The following COL6A1 variants were observed in gnomAD, a reference collection of about 807,000 sequenced individuals.
COL6A1 encodes collagen type VI alpha 1 chain.
A neutral mutation model predicts 145.6 loss-of-function variants in COL6A1; 80 were observed. The observed-to-expected ratio is 0.55, with a 90% CI of 0.46 to 0.66. The LOEUF (loss-of-function observed/expected upper bound fraction) is 0.66, where lower values mean the gene tolerates loss of function less well. Ranked by LOEUF, COL6A1 falls within the 30% of genes least tolerant of loss-of-function variation. The probability of loss-of-function intolerance (pLI) is 0.00; values close to 1 mark genes in which losing one functional copy is unlikely to be tolerated. For synonymous variants in COL6A1, 638 were observed against 622.8 expected (o/e 1.02, Z -0.36); for missense variants, 1,364 against 1,473.8 (o/e 0.93, Z 1.22).
chr21:46,002,982 A>G, intron 33 of COL6A1, 138 bp from the exon 34 acceptor site: 2 of 1,310,422 alleles, frequency 1.5e-6, no homozygotes, highest in Non-Finnish European at 2.2e-6. Context: ...GCTGTCCCAC[A>G]GGCATCCTCC....
chr21:46,002,768 C>G, intron 33 of COL6A1, 58 bp downstream of exon 33: 1 of 1,515,086 alleles, frequency 6.6e-7, no homozygotes, highest in Non-Finnish European at 9.0e-7. Context: ...CGGGGCCGCC[C>G]GGGCAGTCCC....
intron 3 of COL6A1, among the ~76,000 whole-genome samples, chr21:45,986,243 G>T (rs1004103779): frequency 6.6e-6 from 1 of 152,222 alleles, no homozygotes; most frequent in Non-Finnish European, 1.5e-5. Context: ...CTGGTCAGGG[G>T]CTTTGCGCCC....
chr21:45,994,351 G>A lies in COL6A1; in HGVS notation c.1398+122G>A. 1 of 983,456 alleles carries A rather than the reference G, an allele frequency of 1.0e-6. No individual in the cohort carries two copies. The highest frequency in any genetic ancestry group is 1.6e-6 in the Non-Finnish European group (1 of 639,834). The allele number at this position is 983,456 out of a possible 1,614,324, so 60.9% of individuals were successfully genotyped here. Reference sequence around the variant, plus strand: ...GTTTGAGGGCCTCTGTGTTTCCGTAGATCTCGGGGGTGTCCCTGCGTGGGA... The same window carrying A: ...GTTTGAGGGCCTCTGTGTTTCCGTAAATCTCGGGGGTGTCCCTGCGTGGGA... On this transcript the variant is annotated intron_variant, in intron 20 of 34. Coordinates refer to ENST00000361866, the MANE Select transcript of COL6A1 (RefSeq NM_001848.3). This position sits in a 1 kb window ranked among gnomAD's most constrained non-coding sequence, Gnocchi z 6.8.
chr21:46,000,934 G>A (rs1267503594), intron 29 of COL6A1, 167 bp downstream of exon 29: 12 of 918,034 alleles, frequency 1.3e-5, no homozygotes, highest in African/African-American at 3.3e-5. Context: ...CAGGGTTCCC[G>A]GGTGTTGGGC....
At position 46,001,375 on chromosome 21, in the gene COL6A1, G is replaced by T; in HGVS notation, c.1945G>T (p.Glu649Ter). The T allele has an allele frequency of 6.2e-7, 1 of 1,611,572 alleles. No individual in the cohort carries two copies. The highest frequency in any genetic ancestry group is 8.5e-7 in the Non-Finnish European group (1 of 1,179,858). ...GGTCATCGACCGGCTGAGCCGGGAC[G>T]AGCTGGTCAAGGTGAGGCCTCGCCC... ...VKVIDRLSRD[E>*]LVKFEPGQSY... The change falls in exon 30 of 35, where the codon GAG becomes TAG. Residue 649 changes from glutamate to a stop codon, truncating the protein, a stop_gained. Transcript: ENST00000361866. LOFTEE classifies it high-confidence loss of function.
chr21:45,986,761 C>A, intron 4 of COL6A1, 76 bp downstream of exon 4: 1 of 1,524,462 alleles, frequency 6.6e-7, no homozygotes, highest in South Asian at 1.2e-5. Context: ...CAGCTGGGAC[C>A]GTCTTTTGGT....
At chr21:45,987,105 G>C (rs373394656) in intron 5 of COL6A1, 33 bp downstream of exon 5, 1 of 1,570,208 alleles carries the variant, frequency 6.4e-7, no homozygotes, top group East Asian at 2.3e-5. Context: ...GGGGAGGCCC[G>C]CGGCGGCCGC....
intron 29 of COL6A1, 32 bp from the exon 30 acceptor site, chr21:46,001,221 G>C: frequency 6.3e-7 from 1 of 1,595,262 alleles, no homozygotes; most frequent in Non-Finnish European, 8.5e-7. Flanking sequence ...GAGGGGAGGG[G>C]CGTGCTCTGC....
chr21:45,983,638 C>G (rs1451365329), intron 2 of COL6A1, among the ~76,000 whole-genome samples: 3 of 147,082 alleles, frequency 2.0e-5, no homozygotes, highest in African/African-American at 8.0e-5. Flanking sequence ...TGGACATGGC[C>G]AGGCCCGTGC....
At chr21:45,982,368 G>C (rs1207974516) in intron 1 of COL6A1, among the ~76,000 whole-genome samples, 2 of 151,408 alleles carry the variant, frequency 1.3e-5, no homozygotes, top group Non-Finnish European at 1.5e-5. Flanking sequence ...CACTTGTCCG[G>C]TCCCGTGCCG....
intron 2 of COL6A1, among the ~76,000 whole-genome samples, chr21:45,983,512 G>A (rs554847834): frequency 1.3e-5 from 2 of 152,256 alleles, no homozygotes; most frequent in East Asian, 1.9e-4. Context: ...CCGCTGGGCC[G>A]GAGCCTCCCG....
chr21:46,001,395 T>A lies in COL6A1; in HGVS notation c.1956+9T>A. 1 of 1,609,948 alleles carries A rather than the reference T, an allele frequency of 6.2e-7. No homozygotes were observed. On this transcript the variant is annotated intron_variant, in intron 30 of 34. Coordinates refer to ENST00000361866, the MANE Select transcript of COL6A1 (RefSeq NM_001848.3). ...GGGACGAGCTGGTCAAGGTGAGGCC[T>A]CGCCCCGCCCGGCTTTCTCAAGCCC...
At chr21:45,996,218 C>G (rs1176087815) in intron 20 of COL6A1, among the ~76,000 whole-genome samples, 1 of 152,246 alleles carries the variant, frequency 6.6e-6, no homozygotes, top group Non-Finnish European at 1.5e-5. Context: ...CCTCCTGGCC[C>G]CCTTTTCGTG....
At position 45,986,598 on chromosome 21, in the gene COL6A1, A is replaced by C. The variant is rs200132623; in HGVS notation, c.501A>C (p.Glu167Asp). ...GGCACCCCCTGGAGGGCTACAAGGAACCCTGTGGGGGGCTGGAGGATGCTG... is the reference window on the plus strand; with the variant it reads ...GGCACCCCCTGGAGGGCTACAAGGACCCCTGTGGGGGGCTGGAGGATGCTG... ...TDGHPLEGYKEPCGGLEDAVN... is the reference protein window; with the variant it reads ...TDGHPLEGYKDPCGGLEDAVN... Residue 167 changes from glutamate to aspartate, a missense_variant, in exon 4 of 35, where the codon GAA becomes GAC. Physicochemically the swap from Glu to Asp is conservative, Grantham distance 45. Coordinates refer to ENST00000361866, the MANE Select transcript of COL6A1 (RefSeq NM_001848.3). The C allele has an allele frequency of 1.3e-5, 20 of 1,560,440 alleles. No individual in the cohort carries two copies. The East Asian group carries it at 4.6e-4, about 36-fold the overall frequency.
At chr21:46,003,316 A>C in intron 34 of COL6A1, 75 bp from the exon 35 acceptor site, 4 of 1,602,568 alleles carry the variant, frequency 2.5e-6, no homozygotes, top group Non-Finnish European at 3.4e-6. Context: ...TGGGGAGCTT[A>C]GACGCTCTCT....
At chr21:46,000,254 C>A in intron 27 of COL6A1, 77 bp from the exon 28 acceptor site, 1 of 1,586,176 alleles carries the variant, frequency 6.3e-7, no homozygotes, top group Non-Finnish European at 8.7e-7. Flanking sequence ...GGAGGGTGAC[C>A]TGGAGATCCA....
Position 45,998,425 on chromosome 21 carries a change from G to A in COL6A1, c.1603G>A (p.Gly535Arg), listed in dbSNP as rs764556767. The A allele has an allele frequency of 7.4e-6, 12 of 1,613,282 alleles. No homozygotes were observed. Among genetic ancestry groups the A allele is most frequent in the South Asian group, 1.1e-5 (1 of 91,084 alleles). The change falls in exon 24 of 35, where the codon GGG (glycine) becomes AGG (arginine). Residue 535 changes from glycine to arginine, a missense_variant. By Grantham distance (125) the Gly-to-Arg change is moderately radical. Around this residue, in one of 3 missense-constraint regions of COL6A1, gnomAD observed 938 missense variants for 1,003.8 expected, o/e 0.93. Coordinates refer to ENST00000361866, the MANE Select transcript of COL6A1 (RefSeq NM_001848.3). ...PGYPGNRGAP[G>R]INGTKGYPGL... is the part of the protein sequence containing the mutation. ...GTATCCGGGCAACAGGGGCGCTCCCGGGATAAACGTGAGTACGCCCCCTCC... is the reference window on the plus strand; with the variant it reads ...GTATCCGGGCAACAGGGGCGCTCCCAGGATAAACGTGAGTACGCCCCCTCC...
At position 45,997,123 on chromosome 21, in the gene COL6A1, C is replaced by T. The variant is rs544138299; in HGVS notation, c.1399-298C>T. Among the ~76,000 whole-genome samples the T allele has an allele frequency of 2.0e-4, 31 of 151,536 alleles. No homozygotes were observed. The East Asian group carries it at 5.7e-3, about 28-fold the overall frequency. ...GACAGGCTTCACCCTTCCGTGGGGG[C>T]CTGAGGCACCAGCCGGGCGCCCACC... On this transcript the variant is annotated intron_variant, in intron 20 of 34. Coordinates refer to ENST00000361866, the MANE Select transcript of COL6A1 (RefSeq NM_001848.3).
intron 27 of COL6A1, among the ~76,000 whole-genome samples, chr21:46,000,029 G>GTGAGGATCATGGGGGGACA: frequency 1.5e-4 from 1 of 6,770 alleles, no homozygotes; most frequent in African/African-American, 5.5e-4. Context: ...TGGGGGACCC[G>GTGAGGATCATGGGGGGACA]TGTGAGGATC....
Sources: allele counts gnomAD v4.1 joint callset (sites outside exome capture counted in the v4.1 genomes callset), GRCh38; gene constraint gnomAD v4.1.1; regional missense constraint gnomAD v4.1.1; non-coding constraint Gnocchi (gnomAD v3.1); transcripts MANE v1.5; gene names NCBI Gene and HGNC (gene_info 2026-07-23, HGNC 2026-07-21).